Variants in CALN1 observed in about 807,000 individuals in gnomAD.
The protein encoded by CALN1 is calneuron 1.
In CALN1, 17 loss-of-function variants were observed where a neutral mutation model predicts 30.6. That is an observed-to-expected ratio of 0.56 (90% CI 0.38 to 0.83). The LOEUF is 0.83. Among genes scored for constraint, CALN1 ranks in the 40% least tolerant of loss-of-function variants. The pLI, the probability that CALN1 is intolerant of heterozygous loss-of-function variation, is 0.00. For synonymous variants in CALN1, 156 were observed against 131.4 expected (o/e 1.19, Z -1.28); for missense variants, 291 against 354.9 (o/e 0.82, Z 1.45).
At chr7:72,102,041 T>C (rs541799288) in intron 4 of CALN1, among the ~76,000 whole-genome samples, 1 of 152,200 alleles carries the variant, frequency 6.6e-6, no homozygotes, top group African/African-American at 2.4e-5. Context: ...GCTTATTTTA[T>C]TTTTAAGATG....
intron 3 of CALN1, among the ~76,000 whole-genome samples, chr7:72,194,484 T>C (rs1162167044): frequency 1.3e-5 from 2 of 151,942 alleles, no homozygotes; most frequent in Non-Finnish European, 2.9e-5. Context: ...GAGCCAGGAT[T>C]TCACCACTGC....
the CALN1 span, among the ~76,000 whole-genome samples, chr7:72,484,529 C>T: frequency 6.6e-6 from 1 of 152,312 alleles, no homozygotes; most frequent in East Asian, 1.9e-4. Context: ...CCCCCAGTCC[C>T]CACCGCCCGC....
the CALN1 span, among the ~76,000 whole-genome samples, chr7:72,461,863 C>T: frequency 6.6e-6 from 1 of 152,086 alleles, no homozygotes; most frequent in East Asian, 1.9e-4. Flanking sequence ...CAAAAATTAG[C>T]CCAGCATGGT....
intron 1 of CALN1, among the ~76,000 whole-genome samples, chr7:72,407,949 G>A (rs560987880): frequency 6.6e-6 from 1 of 152,038 alleles, no homozygotes; most frequent in Admixed American, 6.5e-5. Flanking sequence ...TGGAGGATCA[G>A]CTTGTTCCTG....
chr7:72,494,828 C>A, the CALN1 span, among the ~76,000 whole-genome samples: 52 of 152,244 alleles, frequency 3.4e-4, no homozygotes, highest in South Asian at 2.7e-3. Context: ...GATTGTGCCA[C>A]TGCACTCCAG....
At chr7:72,356,636 A>T (rs1186166556) in intron 2 of CALN1, among the ~76,000 whole-genome samples, 1 of 152,044 alleles carries the variant, frequency 6.6e-6, no homozygotes, top group Admixed American at 6.5e-5. Flanking sequence ...TACACCTAAT[A>T]ATATAGGCTC....
chr7:72,330,960 A>C (rs1211057874), intron 2 of CALN1, among the ~76,000 whole-genome samples: 1 of 152,126 alleles, frequency 6.6e-6, no homozygotes, highest in East Asian at 1.9e-4. Flanking sequence ...CTTCCCCACC[A>C]ATTAATAATC....
chr7:72,123,779 G>T (rs559335422), intron 3 of CALN1, among the ~76,000 whole-genome samples: 2 of 152,310 alleles, frequency 1.3e-5, no homozygotes, highest in East Asian at 1.9e-4. Context: ...ACTGCAGGGT[G>T]CATAAATATC....
chr7:72,364,373 A>G (rs1002866533), intron 2 of CALN1, among the ~76,000 whole-genome samples: 2 of 152,224 alleles, frequency 1.3e-5, no homozygotes, highest in South Asian at 2.1e-4. Flanking sequence ...AATACATCAT[A>G]TATCTACAGG....
chr7:72,368,162 T>C (rs1279510709), intron 2 of CALN1, among the ~76,000 whole-genome samples: 2 of 151,306 alleles, frequency 1.3e-5, no homozygotes, highest in African/African-American at 2.4e-5. Flanking sequence ...TGTGTGTATA[T>C]ATATATGTGT....
intron 3 of CALN1, among the ~76,000 whole-genome samples, chr7:72,178,083 A>C (rs905685588): frequency 6.6e-6 from 1 of 152,198 alleles, no homozygotes; most frequent in Non-Finnish European, 1.5e-5. Context: ...GTGTGTTTGC[A>C]TTCAACTCAA....
chr7:71,994,460 C>T (rs1201601694), intron 5 of CALN1, among the ~76,000 whole-genome samples: 2 of 142,636 alleles, frequency 1.4e-5, no homozygotes, highest in Non-Finnish European at 1.5e-5. Context: ...TGCCGTGAGC[C>T]GAGATCGTGC....
At chr7:72,254,668 T>C (rs890899753) in intron 3 of CALN1, among the ~76,000 whole-genome samples, 2 of 152,172 alleles carry the variant, frequency 1.3e-5, no homozygotes, top group Admixed American at 1.3e-4. Context: ...GGGGACAGAA[T>C]CTGTTATGAG....
At chr7:71,963,514 A>G (rs929278312) in intron 5 of CALN1, among the ~76,000 whole-genome samples, 2 of 151,874 alleles carry the variant, frequency 1.3e-5, no homozygotes, top group South Asian at 2.1e-4. Context: ...CATGTTGGCC[A>G]GGCTGGTCTT....
intron 3 of CALN1, among the ~76,000 whole-genome samples, chr7:72,270,679 G>A (rs1310831112): frequency 1.3e-5 from 2 of 152,204 alleles, no homozygotes; most frequent in African/African-American, 4.8e-5. Context: ...GGAGGCTGAG[G>A]CAGGAGCATC....
chr7:72,203,256 C>T (rs1455802859), intron 3 of CALN1, among the ~76,000 whole-genome samples: 2 of 152,016 alleles, frequency 1.3e-5, no homozygotes, highest in Non-Finnish European at 1.5e-5. Context: ...AAATCTAGAT[C>T]ATGGGTTGAT....
Position 72,379,872 on chromosome 7 carries a change from G to A in CALN1, c.119+23379C>T, listed in dbSNP as rs142416350. Among the ~76,000 whole-genome samples the A allele has an allele frequency of 1.2e-3, 179 of 152,272 alleles. 1 individual carries two copies. Among genetic ancestry groups the A allele is most frequent in the African/African-American group, 4.1e-3 (170 of 41,560 alleles). On this transcript the variant is annotated intron_variant, in intron 2 of 6. Coordinates refer to ENST00000395275, the MANE Select transcript of CALN1 (RefSeq NM_031468.4). ...TGAAAATGACATGGCCACCTCCCAG[G>A]TGCATGAGAATATTTTTGGAGACTG... is the stretch of plus-strand genomic sequence containing the variant.
Position 72,255,647 on chromosome 7 carries a change from C to T in CALN1, c.244+23039G>A, listed in dbSNP as rs1195682311. Among the ~76,000 whole-genome samples the T allele has an allele frequency of 2.0e-5, 3 of 151,650 alleles. No homozygotes were observed. In the East Asian group the frequency reaches 5.8e-4, roughly 30 times the overall value. On this transcript the variant is annotated intron_variant, in intron 3 of 6. Coordinates refer to ENST00000395275, the MANE Select transcript of CALN1 (RefSeq NM_031468.4). ...GCCAGGCTGGTCTTGAACTCCTGAC[C>T]TCAAGTGACCCACTGGCCTCAGCCT...
chr7:72,391,446 T>C (rs1805571728), intron 2 of CALN1, among the ~76,000 whole-genome samples: 2 of 151,090 alleles, frequency 1.3e-5, no homozygotes, highest in South Asian at 4.3e-4. Context: ...GGTGCACTGC[T>C]AGGACCAGGC....
Sources: gnomAD v4.1 joint callset for allele counts (sites outside exome capture counted in the v4.1 genomes callset) on GRCh38, gnomAD v4.1.1 for gene constraint, MANE v1.5 for transcripts, NCBI Gene and HGNC (gene_info 2026-07-23, HGNC 2026-07-21) for gene names.